The following PKD2 variants were observed in gnomAD, a reference collection of about 807,000 sequenced individuals.
PKD2 encodes the protein polycystin-2.
Under a neutral mutation model 105.9 loss-of-function variants are expected in PKD2, and 48 were observed. The observed-to-expected ratio is 0.45, with a 90% CI of 0.36 to 0.58. The LOEUF is 0.58. Among genes scored for constraint, PKD2 ranks in the 20% least tolerant of loss-of-function variants. PKD2 has a pLI of 0.00. For synonymous variants in PKD2, 464 were observed against 481.1 expected, an observed-to-expected ratio of 0.96 and a Z score of 0.46; for missense variants, 1,078 against 1,255.3, an observed-to-expected ratio of 0.86 and a Z score of 2.13.
intron 8 of PKD2, among the ~76,000 whole-genome samples, chr4:88,056,936 A>C (rs760710534): frequency 6.6e-6 from 1 of 151,992 alleles, no homozygotes; most frequent in Non-Finnish European, 1.5e-5. Flanking sequence ...AGAATATTGG[A>C]TCTTTGAACT....
chr4:88,007,664 A>G lies in PKD2; in HGVS notation c.-70A>G, dbSNP rs1726213519. On this transcript the variant is annotated 5_prime_UTR_variant, in exon 1 of 15. Coordinates refer to ENST00000237596, the MANE Select transcript of PKD2 (RefSeq NM_000297.4). The stretch of plus-strand genomic sequence containing the variant: ...GGCGGCGGGCGCCGGGAAGAAAGGA[A>G]CATGGCTCCTGAGGCGCACAGCGCC... 2 of 1,020,002 alleles carry G rather than the reference A, an allele frequency of 2.0e-6. No homozygotes were observed. Among genetic ancestry groups the G allele is most frequent in the Non-Finnish European group, 1.2e-6 (1 of 839,510 alleles). The allele number at this position is 1,020,002 out of a possible 1,614,324, so 63.2% of individuals were successfully genotyped here.
intron 8 of PKD2, among the ~76,000 whole-genome samples, chr4:88,057,139 G>A (rs1309490854): frequency 6.6e-6 from 1 of 151,968 alleles, no homozygotes. Flanking sequence ...ACAAGTGTAT[G>A]CCACCATGCC....
Position 88,030,227 on chromosome 4 carries a change from C to T in PKD2, c.710-5993C>T, listed in dbSNP as rs568547775. ...GGTGCAGTGGCATGAACACAGCTCA[C>T]TGCAGCTTGGGGGCTCAAGAGATCC... On this transcript the variant is annotated intron_variant, in intron 2 of 14. Transcript: ENST00000237596. Among the ~76,000 whole-genome samples the T allele has an allele frequency of 7.1e-4, 108 of 152,258 alleles. 1 individual carries two copies. Among genetic ancestry groups the T allele is most frequent in the East Asian group, 3.7e-3 (19 of 5,182 alleles).
chr4:88,066,363 C>CTTT (rs36207866), intron 12 of PKD2, among the ~76,000 whole-genome samples: 20 of 137,540 alleles, frequency 1.5e-4, no homozygotes, highest in Non-Finnish European at 2.7e-4. Flanking sequence ...ACTTTTTTTT[C>CTTT]TTTTTTTTTT....
intron 7 of PKD2, among the ~76,000 whole-genome samples, chr4:88,052,604 C>CA: frequency 6.6e-6 from 1 of 152,238 alleles, no homozygotes; most frequent in African/African-American, 2.4e-5. Flanking sequence ...TATTGAGACT[C>CA]ATGTGATCAT....
Position 88,052,109 on chromosome 4 carries a change from T to C in PKD2, c.1667T>C (p.Ile556Thr). ...PNFEHLAYWQ[I>T]QFNNIAAVTV... ...TTTGAGCATCTGGCATATTGGCAGATACAGTTCAACAATATAGCTGCTGTC... is the reference window on the plus strand; with the variant it reads ...TTTGAGCATCTGGCATATTGGCAGACACAGTTCAACAATATAGCTGCTGTC... Residue 556 changes from isoleucine (I) to threonine (T), a missense_variant, in exon 7 of 15, where the codon ATA (isoleucine) becomes ACA (threonine). Ile to Thr is a moderately conservative substitution (Grantham distance 89). This residue lies in a region of PKD2 where 868 missense variants were observed against 1,067.3 expected (regional missense o/e 0.81). Coordinates refer to ENST00000237596, the MANE Select transcript of PKD2 (RefSeq NM_000297.4). 1 of 1,608,634 alleles carries C rather than the reference T, an allele frequency of 6.2e-7. No individual in the cohort carries two copies. Among genetic ancestry groups the C allele is most frequent in the Non-Finnish European group, 8.5e-7 (1 of 1,175,170 alleles).
intron 2 of PKD2, chr4:88,035,963 T>TA: frequency 2.0e-6 from 1 of 508,200 alleles, no homozygotes; most frequent in Non-Finnish European, 3.6e-6. Context: ...TTCCTGATCT[T>TA]ACATTGATAC....
chr4:88,044,299 A>G (rs998550236), intron 5 of PKD2, among the ~76,000 whole-genome samples: 3 of 152,298 alleles, frequency 2.0e-5, no homozygotes, highest in South Asian at 4.1e-4. Context: ...CACCCACTTT[A>G]ATCTTCCTGG....
chr4:88,055,258 T>C (rs961864005), intron 7 of PKD2, among the ~76,000 whole-genome samples: 2 of 152,200 alleles, frequency 1.3e-5, no homozygotes, highest in Non-Finnish European at 2.9e-5. Flanking sequence ...CATAAAGCCC[T>C]CCACATATAA....
intron 13 of PKD2, among the ~76,000 whole-genome samples, chr4:88,069,257 G>GT (rs1468839602): frequency 6.6e-6 from 1 of 151,840 alleles, no homozygotes. Context: ...GACAATTTCT[G>GT]TTTTTGATTA....
intron 1 of PKD2, among the ~76,000 whole-genome samples, chr4:88,016,034 G>T (rs1202837540): frequency 6.6e-6 from 1 of 152,124 alleles, no homozygotes; most frequent in Non-Finnish European, 1.5e-5. Context: ...TAAGGAGCAG[G>T]CAATCTAGAT....
At chr4:88,066,030 G>T (rs965631720) in intron 12 of PKD2, 151 bp downstream of exon 12, 62 of 673,250 alleles carry the variant, frequency 9.2e-5, no homozygotes, top group Admixed American at 1.9e-4. Flanking sequence ...TTAGTACCCT[G>T]TTTATTCCAG....
intron 7 of PKD2, among the ~76,000 whole-genome samples, chr4:88,053,011 C>A (rs1578139735): frequency 6.6e-6 from 1 of 152,148 alleles, no homozygotes; most frequent in East Asian, 1.9e-4. Context: ...ATTTCATATA[C>A]AACAAGCCTC....
intron 6 of PKD2, among the ~76,000 whole-genome samples, chr4:88,050,346 G>T (rs1720021114): frequency 6.6e-6 from 1 of 152,100 alleles, no homozygotes; most frequent in Non-Finnish European, 1.5e-5. Context: ...AGGCACTGGG[G>T]ATACAGGAAT....
chr4:88,049,961 C>T (rs988144278), intron 6 of PKD2, among the ~76,000 whole-genome samples: 1 of 147,450 alleles, frequency 6.8e-6, no homozygotes, highest in African/African-American at 2.5e-5. Context: ...CTAGGTTGTA[C>T]AGGGTAAATT....
chr4:88,048,587 C>A (rs1038087712), intron 6 of PKD2, among the ~76,000 whole-genome samples: 13 of 152,084 alleles, frequency 8.5e-5, no homozygotes, highest in Admixed American at 7.2e-4. Flanking sequence ...TCATACTAAC[C>A]CTCTTCACTA....
At position 88,077,438 on chromosome 4, in the gene PKD2, A is replaced by G. The variant is rs1257339015; in HGVS notation, c.*1744A>G. The G allele has an allele frequency of 6.6e-6, 1 of 152,628 alleles. No homozygotes were observed. The highest frequency in any genetic ancestry group is 2.4e-5 in the African/African-American group (1 of 41,450). The allele number at this position is 152,628 out of a possible 1,614,324, so 9.5% of individuals were successfully genotyped here. A position where few individuals can be genotyped will look rare whatever the true frequency, so the allele number is the denominator to read the frequency against. Reference sequence around the variant, plus strand: ...TGTTGTTACATGTAAACAAACTTCAATTTGAAGTGCAGCTATTATGTGGTA... The same window carrying G: ...TGTTGTTACATGTAAACAAACTTCAGTTTGAAGTGCAGCTATTATGTGGTA... On this transcript the variant is annotated 3_prime_UTR_variant, in exon 15 of 15. Coordinates refer to ENST00000237596, the MANE Select transcript of PKD2 (RefSeq NM_000297.4).
At position 88,036,054 on chromosome 4, in the gene PKD2, T is replaced by C. The variant is rs1727319320; in HGVS notation, c.710-166T>C. ...TTTATAAGCCAGAGATATAGAGAGATACCCTAGAAGAATGATAGGGGAAAG... is the reference window on the plus strand; with the variant it reads ...TTTATAAGCCAGAGATATAGAGAGACACCCTAGAAGAATGATAGGGGAAAG... On this transcript the variant is annotated intron_variant, in intron 2 of 14. Coordinates refer to ENST00000237596, the MANE Select transcript of PKD2 (RefSeq NM_000297.4). The C allele has an allele frequency of 5.2e-6, 5 of 970,812 alleles. No individual in the cohort carries two copies. The Admixed American group carries it at 7.2e-5, about 14-fold the overall frequency. 60.1% of individuals were successfully genotyped at this position (970,812 alleles called of 1,614,324 possible).
Position 88,008,266 on chromosome 4 carries a change from T to TC in PKD2, c.538dup (p.Leu180ProfsTer33), listed in dbSNP as rs1371793191. ...GGCGGGGACCCGCTGCATCGCCACC[T>TC]CCCCCTGGAAGGGCAGCCGCCCCGA... On this transcript the variant is annotated frameshift_variant, in exon 1 of 15. Coordinates refer to ENST00000237596, the MANE Select transcript of PKD2 (RefSeq NM_000297.4). LOFTEE classifies it high-confidence loss of function. 1.4e-6 allele frequency: 2 copies of TC among 1,466,100 alleles called. No individual in the cohort carries two copies. The highest frequency in any genetic ancestry group is 1.8e-6 in the Non-Finnish European group (2 of 1,113,434). 90.8% of individuals were successfully genotyped at this position (1,466,100 alleles called of 1,614,324 possible). A position where few individuals can be genotyped will look rare whatever the true frequency, so the allele number is the denominator to read the frequency against.
Sources: allele counts gnomAD v4.1 joint callset (sites outside exome capture counted in the v4.1 genomes callset), GRCh38; gene constraint gnomAD v4.1.1; regional missense constraint gnomAD v4.1.1; transcripts MANE v1.5; gene names NCBI Gene and HGNC (gene_info 2026-07-23, HGNC 2026-07-21).